The following MDFI variants were observed in gnomAD, a reference collection of about 807,000 sequenced individuals.
The protein encoded by MDFI is inhibitor of MyoD family a.
Under a neutral mutation model 22.3 loss-of-function variants are expected in MDFI, and 16 were observed. The ratio of observed to expected loss-of-function variants is 0.72; its 90% CI spans 0.49 to 1.09. The LOEUF is 1.09. Among genes scored for constraint, MDFI ranks in the 50% least tolerant of loss-of-function variants. The probability of loss-of-function intolerance (pLI) is 0.00; values close to 1 mark genes in which losing one functional copy is unlikely to be tolerated. For synonymous variants in MDFI, 145 were observed against 142.7 expected, an observed-to-expected ratio of 1.02 and a Z score of -0.12; for missense variants, 314 against 326.1, an observed-to-expected ratio of 0.96 and a Z score of 0.29.
chr6:41,641,416 G>A (rs1767849758), intron 2 of MDFI, among the ~76,000 whole-genome samples: 1 of 152,262 alleles, frequency 6.6e-6, no homozygotes, highest in Non-Finnish European at 1.5e-5. Flanking sequence ...GGTTTGGAGA[G>A]TGGGAGGGGT....
intron 3 of MDFI, among the ~76,000 whole-genome samples, chr6:41,648,235 T>G (rs1012242436): frequency 2.0e-5 from 3 of 152,036 alleles, no homozygotes; most frequent in Non-Finnish European, 2.9e-5. Context: ...TCTCTAACAC[T>G]TGCTAGCTGT....
intron 4 of MDFI, among the ~76,000 whole-genome samples, chr6:41,650,573 CTTTTTTT>C (rs34897556): frequency 1.9e-4 from 24 of 129,686 alleles, no homozygotes; most frequent in Non-Finnish European, 3.5e-4. Context: ...AGTCTTTTTC[CTTTTTTT>C]TTTTTTTTTT....
rs1471906766 is a variant in MDFI, at chr6:41,639,585, A to C, written c.76+760A>C. On this transcript the variant is annotated intron_variant, in intron 2 of 4. Transcript: ENST00000230321. ...CTTCCCCTCACTGGCCAGATGCCTA[A>C]GCCGAAGCTCCCAAATGGAAGTCCG... The C allele has an allele frequency of 2.2e-5, 22 of 985,414 alleles. No homozygotes were observed. The East Asian group carries it at 5.7e-4, about 25-fold the overall frequency. 61.0% of individuals were successfully genotyped at this position (985,414 alleles called of 1,614,324 possible). A position where few individuals can be genotyped will look rare whatever the true frequency, so the allele number is the denominator to read the frequency against.
At chr6:41,640,638 T>A (rs1767819478) in intron 2 of MDFI, among the ~76,000 whole-genome samples, 1 of 152,214 alleles carries the variant, frequency 6.6e-6, no homozygotes, top group Non-Finnish European at 1.5e-5. Context: ...ACTCCCTGAG[T>A]GCTGACAGAA....
rs769853817 is a variant in MDFI, at chr6:41,646,171, C to A, written c.122C>A (p.Ser41Tyr). The A allele has an allele frequency of 5.1e-6, 8 of 1,582,196 alleles. No homozygotes were observed. Among genetic ancestry groups the A allele is most frequent in the Admixed American group, 1.8e-5 (1 of 55,076 alleles). ...CCTGGGCTGGAGGTAGTAACAGGATCCACTCACCCTGCGGAGGCAGCACCA... is the reference window on the plus strand; with the variant it reads ...CCTGGGCTGGAGGTAGTAACAGGATACACTCACCCTGCGGAGGCAGCACCA... ...LLPGLEVVTGSTHPAEAAPEE... is the reference protein window; with the variant it reads ...LLPGLEVVTGYTHPAEAAPEE... Residue 41 changes from serine (S) to tyrosine (Y), a missense_variant, in exon 3 of 5, where the codon TCC becomes TAC. Physicochemically the swap from Ser to Tyr is moderately radical, Grantham distance 144. Coordinates refer to ENST00000230321, the MANE Select transcript of MDFI (RefSeq NM_005586.4).
At chr6:41,649,136 G>A (rs564858168) in intron 3 of MDFI, among the ~76,000 whole-genome samples, 1 of 152,348 alleles carries the variant, frequency 6.6e-6, no homozygotes, top group East Asian at 1.9e-4. Flanking sequence ...TCTCCAAACA[G>A]ATGTTTCCAA....
At chr6:41,637,665 G>C (rs1443435493), upstream of MDFI, among the ~76,000 whole-genome samples, 2 of 152,004 alleles carry the variant, frequency 1.3e-5, no homozygotes, top group Non-Finnish European at 2.9e-5. This position sits in a 1 kb window ranked among gnomAD's most constrained non-coding sequence, Gnocchi z 6.8. Flanking sequence ...CTACCACCAC[G>C]GCTCACCATC....
Position 41,653,319 on chromosome 6 carries a change from A to C in MDFI, c.485A>C (p.Asp162Ala), listed in dbSNP as rs1392029723. The C allele has an allele frequency of 6.2e-7, 1 of 1,607,284 alleles. No individual in the cohort carries two copies. The highest frequency in any genetic ancestry group is 8.5e-7 in the Non-Finnish European group (1 of 1,175,566). The change falls in exon 5 of 5, where the codon GAC (aspartate) becomes GCC (alanine). Residue 162 changes from aspartate to alanine, a missense_variant and splice_region_variant. Transcript: ENST00000230321. This position sits in a 1 kb window ranked among gnomAD's most constrained non-coding sequence, Gnocchi z 4.2. ...TSQIPLQAQE[D>A]CCVHCILSCL... ...CCCCCTCTCCACCGCCACCCCGCAGACTGCTGTGTCCACTGCATCCTGTCC... is the reference window on the plus strand; with the variant it reads ...CCCCCTCTCCACCGCCACCCCGCAGCCTGCTGTGTCCACTGCATCCTGTCC...
chr6:41,648,733 C>G (rs947531334), intron 3 of MDFI, among the ~76,000 whole-genome samples: 1 of 152,176 alleles, frequency 6.6e-6, no homozygotes, highest in African/African-American at 2.4e-5. Flanking sequence ...CGCACTCCCC[C>G]CACCATACAC....
At chr6:41,649,227 C>T (rs946761882) in intron 3 of MDFI, among the ~76,000 whole-genome samples, 2 of 152,220 alleles carry the variant, frequency 1.3e-5, no homozygotes, top group Middle Eastern at 3.2e-3. Flanking sequence ...TTCACTGCTG[C>T]GCTCCCAACC....
rs549700160 is a variant in MDFI, at chr6:41,638,582, C to T, written c.-82C>T. ...GCCAGCGGGACCTGGGCAGGGGCGC[C>T]CGGAGCAGGCGCGCATGGCGGGCCC... On this transcript the variant is annotated 5_prime_UTR_variant, in exon 1 of 5. Coordinates refer to ENST00000230321, the MANE Select transcript of MDFI (RefSeq NM_005586.4). This position sits in a 1 kb window ranked among gnomAD's most constrained non-coding sequence, Gnocchi z 7.6. 2.3e-5 allele frequency: 17 copies of T among 735,094 alleles called. No individual in the cohort carries two copies. The East Asian group carries it at 4.9e-4, about 21-fold the overall frequency. 45.5% of individuals were successfully genotyped at this position (735,094 alleles called of 1,614,324 possible).
In MDFI at chr6:41,649,854, A is replaced by G. The variant is rs1352852418; in HGVS notation, c.484+11A>G. Reference sequence around the variant, plus strand: ...TCCAGGCACAGGAAGGTAAGCACCCATCCCATCTCTCCCTGGGAGAGGCCT... The same window carrying G: ...TCCAGGCACAGGAAGGTAAGCACCCGTCCCATCTCTCCCTGGGAGAGGCCT... On this transcript the variant is annotated intron_variant, in intron 4 of 4. Coordinates refer to ENST00000230321, the MANE Select transcript of MDFI (RefSeq NM_005586.4). The G allele has an allele frequency of 2.5e-6, 4 of 1,610,340 alleles. No homozygotes were observed. Among genetic ancestry groups the G allele is most frequent in the Admixed American group, 1.7e-5 (1 of 59,800 alleles).
chr6:41,649,671 T>C lies in MDFI; in HGVS notation c.312T>C (p.Ser104=). The C allele has an allele frequency of 6.2e-7, 1 of 1,613,308 alleles. No individual in the cohort carries two copies. The highest frequency in any genetic ancestry group is 8.5e-7 in the Non-Finnish European group (1 of 1,179,558). Residue 104 remains serine, a synonymous_variant, in exon 4 of 5, where the codon TCT becomes TCC. Coordinates refer to ENST00000230321, the MANE Select transcript of MDFI (RefSeq NM_005586.4). ...LGCTPLLPND[S]GHPSELGGTR... is the part of the protein sequence containing the mutation. ...GCACCCCACTTCTGCCGAATGACTC[T>C]GGCCACCCCTCAGAGCTGGGCGGCA... is the stretch of plus-strand genomic sequence containing the variant.
intron 2 of MDFI, among the ~76,000 whole-genome samples, chr6:41,644,981 C>A (rs1250353631): frequency 6.6e-6 from 1 of 151,814 alleles, no homozygotes; most frequent in Non-Finnish European, 1.5e-5. Context: ...CTCCTTGTGT[C>A]CCCCTCTGTG....
chr6:41,649,938 T>C, intron 4 of MDFI, 95 bp downstream of exon 4: 1 of 1,070,700 alleles, frequency 9.3e-7, no homozygotes, highest in Non-Finnish European at 1.4e-6. Flanking sequence ...TTCACCAGGC[T>C]GTTACTTAGA....
chr6:41,650,116 C>T, intron 4 of MDFI: 2 of 432,424 alleles, frequency 4.6e-6, no homozygotes, highest in South Asian at 8.8e-5. Context: ...CACCCCACCC[C>T]AAACCCCTCC....
At chr6:41,642,757 C>T (rs536016999) in intron 2 of MDFI, among the ~76,000 whole-genome samples, 1 of 152,248 alleles carries the variant, frequency 6.6e-6, no homozygotes, top group Admixed American at 6.5e-5. Context: ...CCTCATTTTT[C>T]CTCCACGGTC....
rs751298293 is a variant in MDFI, at chr6:41,638,815, C to CCCGG, written c.67_70dup (p.Gly24AlafsTer55). 3.8e-6 allele frequency: 6 copies of CCCGG among 1,559,130 alleles called. No homozygotes were observed. Among genetic ancestry groups the CCCGG allele is most frequent in the African/African-American group, 1.4e-5 (1 of 73,848 alleles). ...CGCCCTATGGAGCCCCCAGCGCAGCCCCGGGCCCAGGTAGGACCGGGAGTG... is the reference window on the plus strand; with the variant it reads ...CGCCCTATGGAGCCCCCAGCGCAGCCCCGGCCGGGCCCAGGTAGGACCGGGAGTG... On this transcript the variant is annotated frameshift_variant, in exon 2 of 5. Coordinates refer to ENST00000230321, the MANE Select transcript of MDFI (RefSeq NM_005586.4). LOFTEE classifies it high-confidence loss of function. The surrounding 1 kb of genome is among the most constrained non-coding windows in gnomAD (Gnocchi z 7.6).
At chr6:41,641,509 C>T (rs1378408462) in intron 2 of MDFI, among the ~76,000 whole-genome samples, 1 of 152,146 alleles carries the variant, frequency 6.6e-6, no homozygotes, top group Admixed American at 6.5e-5. Flanking sequence ...ATGGGGAGGC[C>T]GGTCTGCGTG....
Sources: gnomAD v4.1 joint callset for allele counts (sites outside exome capture counted in the v4.1 genomes callset) on GRCh38, gnomAD v4.1.1 for gene constraint, Gnocchi (gnomAD v3.1) non-coding constraint, MANE v1.5 for transcripts, NCBI Gene and HGNC (gene_info 2026-07-23, HGNC 2026-07-21) for gene names.